Variants in XIRP2 observed in about 807,000 individuals in gnomAD.
XIRP2 encodes xin actin-binding repeat-containing protein 2.
In XIRP2, 236 loss-of-function variants were observed where a neutral mutation model predicts 277.0. The ratio of observed to expected loss-of-function variants is 0.85; its 90% CI spans 0.77 to 0.95. The LOEUF (loss-of-function observed/expected upper bound fraction) is 0.95, where lower values mean the gene tolerates loss of function less well. Among genes scored for constraint, XIRP2 ranks in the 40% least tolerant of loss-of-function variants. The pLI is 0.00. For synonymous variants in XIRP2, 1,490 were observed against 1,416.5 expected (o/e 1.05, Z -1.17); for missense variants, 4,640 against 4,157.5 (o/e 1.12, Z -3.19).
At chr2:167,102,855 A>AT (rs1322043561) in intron 2 of XIRP2, among the ~76,000 whole-genome samples, 2 of 152,166 alleles carry the variant, frequency 1.3e-5, no homozygotes, top group African/African-American at 2.4e-5. Flanking sequence ...TAAATGAATG[A>AT]TTTTTTCCCT....
intron 3 of XIRP2, among the ~76,000 whole-genome samples, chr2:167,145,997 G>C (rs16853039): frequency 0.016 from 2,478 of 152,010 alleles, 73 homozygotes; most frequent in African/African-American, 0.057. Context: ...TATTGAGCTG[G>C]ATTAAAATAT....
intron 2 of XIRP2, among the ~76,000 whole-genome samples, chr2:167,088,304 T>G (rs1690025056): frequency 6.6e-6 from 1 of 152,066 alleles, no homozygotes; most frequent in Non-Finnish European, 1.5e-5. Flanking sequence ...TAGGCGCTCT[T>G]CAGGACTCCA....
chr2:167,162,545 A>T (rs2105341906), intron 3 of XIRP2, among the ~76,000 whole-genome samples: 1 of 152,280 alleles, frequency 6.6e-6, no homozygotes, highest in Non-Finnish European at 1.5e-5. Flanking sequence ...CGAGAACAGC[A>T]TGGGAAAGGC....
intron 2 of XIRP2, chr2:167,124,321 T>G (rs767329056): frequency 4.6e-5 from 7 of 152,158 alleles, no homozygotes; most frequent in Non-Finnish European, 1.0e-4. Flanking sequence ...GCAATAAAGT[T>G]TTAGTTCATT....
Position 167,248,464 on chromosome 2 carries a change from G to C in XIRP2, c.7072G>C (p.Glu2358Gln). 1 of 1,613,582 alleles carries C rather than the reference G, an allele frequency of 6.2e-7. No individual in the cohort carries two copies. Among genetic ancestry groups the C allele is most frequent in the South Asian group, 1.1e-5 (1 of 91,066 alleles). The stretch of plus-strand genomic sequence containing the variant: ...TCCAGTAGATGAGAAATCTGAAAGA[G>C]AAAGTTCATCGATGTTTCTGCCGCC... ...PPPVDEKSER[E>Q]SSSMFLPPPP... The change falls in exon 9 of 11, where the codon GAA becomes CAA. Residue 2358 changes from glutamate (E) to glutamine (Q), a missense_variant. Transcript: ENST00000409195.
intron 2 of XIRP2, among the ~76,000 whole-genome samples, chr2:166,963,652 G>A (rs1285323097): frequency 6.6e-6 from 1 of 151,780 alleles, no homozygotes; most frequent in Non-Finnish European, 1.5e-5. Flanking sequence ...TTATGGCAAA[G>A]ACACAAAGGC....
chr2:167,152,561 T>C (rs1279819551), intron 3 of XIRP2, among the ~76,000 whole-genome samples: 2 of 152,114 alleles, frequency 1.3e-5, no homozygotes, highest in Non-Finnish European at 2.9e-5. Context: ...GGAGTGAACC[T>C]GGGATAGGTA....
intron 2 of XIRP2, among the ~76,000 whole-genome samples, chr2:167,116,373 T>C (rs188745726): frequency 2.8e-4 from 43 of 152,328 alleles, no homozygotes; most frequent in Middle Eastern, 6.8e-3. Context: ...ATTAACCATT[T>C]TTATAATTGG....
intron 2 of XIRP2, among the ~76,000 whole-genome samples, chr2:167,056,373 A>G (rs1186643287): frequency 6.6e-6 from 1 of 152,182 alleles, no homozygotes; most frequent in Non-Finnish European, 1.5e-5. Context: ...TCTGCAGGTT[A>G]TCTTTCTATA....
At chr2:167,093,795 A>C (rs1690218284) in intron 2 of XIRP2, among the ~76,000 whole-genome samples, 1 of 152,114 alleles carries the variant, frequency 6.6e-6, no homozygotes, top group Admixed American at 6.5e-5. Flanking sequence ...AAGTGTCTTC[A>C]TAGTAGAATG....
At chr2:167,191,185 C>CAAA (rs931552422) in intron 3 of XIRP2, among the ~76,000 whole-genome samples, 8 of 46,898 alleles carry the variant, frequency 1.7e-4, no homozygotes, top group African/African-American at 5.7e-4. Flanking sequence ...GACCCTGTCT[C>CAAA]AAAAAAAAAA....
At chr2:167,062,401 C>T (rs575494920) in intron 2 of XIRP2, among the ~76,000 whole-genome samples, 1 of 151,860 alleles carries the variant, frequency 6.6e-6, no homozygotes, top group African/African-American at 2.4e-5. Flanking sequence ...TTTATACTTT[C>T]CTCAGTTGAT....
Position 167,247,114 on chromosome 2 carries a change from A to G in XIRP2, c.5722A>G (p.Thr1908Ala), listed in dbSNP as rs1383934721. Residue 1908 changes from threonine (T) to alanine (A), a missense_variant, in exon 9 of 11, where the codon ACA (threonine) becomes GCA (alanine). Transcript: ENST00000409195. ...AIECLEKATN[T>A]KTEILKKELL... ...TGAATGCCTTGAAAAAGCTACAAAT[A>G]CAAAGACAGAAATTCTGAAAAAGGA... is the stretch of plus-strand genomic sequence containing the variant. 1 of 1,613,478 alleles carries G rather than the reference A, an allele frequency of 6.2e-7. No homozygotes were observed.
intron 5 of XIRP2, among the ~76,000 whole-genome samples, chr2:167,230,275 G>A (rs73029736): frequency 0.058 from 8,804 of 152,162 alleles, 287 homozygotes; most frequent in East Asian, 0.11. Flanking sequence ...AGTACTTTAG[G>A]TTGGGGTTCA....
chr2:166,980,589 TG>T (rs1230431071), intron 2 of XIRP2, among the ~76,000 whole-genome samples: 1 of 152,112 alleles, frequency 6.6e-6, no homozygotes, highest in African/African-American at 2.4e-5. Flanking sequence ...GCTAATTTTT[TG>T]TACTTTTAGT....
At position 167,246,980 on chromosome 2, in the gene XIRP2, T is replaced by A. The variant is rs915253174; in HGVS notation, c.5588T>A (p.Ile1863Asn). 9 of 1,613,316 alleles carry A rather than the reference T, an allele frequency of 5.6e-6. No individual in the cohort carries two copies. The highest frequency in any genetic ancestry group is 6.8e-6 in the Non-Finnish European group (8 of 1,179,698). Residue 1863 changes from isoleucine to asparagine, a missense_variant, in exon 9 of 11, where the codon ATT becomes AAT. Ile to Asn is a moderately radical substitution (Grantham distance 149). Coordinates refer to ENST00000409195, the MANE Select transcript of XIRP2 (RefSeq NM_152381.6). Reference protein sequence around the residue: ...NQKTVTKTEEIIKGNMLATLK... With the variant: ...NQKTVTKTEENIKGNMLATLK... ...AAAACAGTGACGAAAACAGAAGAAA[T>A]TATAAAAGGTAACATGCTAGCCACA...
intron 2 of XIRP2, among the ~76,000 whole-genome samples, chr2:166,936,379 G>A (rs1685502014): frequency 6.6e-6 from 1 of 152,110 alleles, no homozygotes; most frequent in Non-Finnish European, 1.5e-5. Flanking sequence ...TCACTCTGAT[G>A]GTAGTTTCTT....
rs1695309437 is a variant in XIRP2, at chr2:167,247,378, A to T, written c.5986A>T (p.Thr1996Ser). 6.2e-7 allele frequency: 1 copy of T among 1,613,608 alleles called. No homozygotes were observed. The highest frequency in any genetic ancestry group is 1.7e-5 in the Admixed American group (1 of 59,960). ...PAAKWQGGAD[T>S]LSQTMGKSCH... The stretch of plus-strand genomic sequence containing the variant: ...GGCCAAGTGGCAAGGGGGAGCAGAT[A>T]CTCTCAGTCAAACTATGGGGAAATC... The change falls in exon 9 of 11, where the codon ACT becomes TCT. Residue 1996 changes from threonine (T) to serine (S), a missense_variant. Thr to Ser is a moderately conservative substitution (Grantham distance 58, BLOSUM62 1). Transcript: ENST00000409195.
At chr2:167,187,283 A>C (rs1573941874) in intron 3 of XIRP2, 1 of 985,376 alleles carries the variant, frequency 1.0e-6, no homozygotes, top group Non-Finnish European at 1.2e-6. Flanking sequence ...GGCCCCACCT[A>C]TACAGAGCTC....
Sources: allele counts gnomAD v4.1 joint callset (sites outside exome capture counted in the v4.1 genomes callset), GRCh38; gene constraint gnomAD v4.1.1; transcripts MANE v1.5; gene names NCBI Gene and HGNC (gene_info 2026-07-23, HGNC 2026-07-21).